STMND1: variants seen among roughly 807,000 people sequenced by gnomAD.
The protein encoded by STMND1 is stathmin domain containing 1, also known as stathmin domain-containing protein 1.
STMND1 carries 17 observed loss-of-function variants against 23.0 expected under a neutral mutation model. The ratio of observed to expected loss-of-function variants is 0.74; its 90% CI spans 0.51 to 1.11. The LOEUF (loss-of-function observed/expected upper bound fraction) is 1.11. Ranked by LOEUF, STMND1 falls within the 50% of genes least tolerant of loss-of-function variation. The pLI, the probability that STMND1 is intolerant of heterozygous loss-of-function variation, is 0.00. For synonymous variants in STMND1, 114 were observed against 119.9 expected (o/e 0.95, Z 0.32); for missense variants, 305 against 329.1 (o/e 0.93, Z 0.57).
chr6:17,129,089 T>G (rs1008570127), intron 3 of STMND1, 23 bp from the exon 4 acceptor site: 26 of 1,533,042 alleles, frequency 1.7e-5, no homozygotes, highest in Non-Finnish European at 2.3e-5. Flanking sequence ...TGTTTCTTCA[T>G]GTAAAAAGAT....
chr6:17,129,281 G>A (rs1471968521), intron 4 of STMND1, 38 bp downstream of exon 4: 28 of 1,526,242 alleles, frequency 1.8e-5, no homozygotes, highest in Middle Eastern at 1.7e-4. Context: ...TGAGGAGTTC[G>A]CTGTCTGTTA....
chr6:17,126,918 A>G (rs555400566), intron 3 of STMND1, among the ~76,000 whole-genome samples: 19 of 152,208 alleles, frequency 1.2e-4, no homozygotes, highest in Non-Finnish European at 2.5e-4. Flanking sequence ...GAGAAAATTG[A>G]GTCCAAAGAG....
Position 17,130,790 on chromosome 6 carries a change from C to A in STMND1, c.740C>A (p.Ala247Glu), listed in dbSNP as rs766968658. 2 of 1,536,030 alleles carry A rather than the reference C, an allele frequency of 1.3e-6. No individual in the cohort carries two copies. The highest frequency in any genetic ancestry group is 2.4e-5 in the South Asian group (2 of 84,056). ...PLKRKKSKCDATLIDRNESDE... is the reference protein window; with the variant it reads ...PLKRKKSKCDETLIDRNESDE... ...AAGAGGAAGAAGAGTAAATGTGATG[C>A]AACCTTGATTGATAGAAACGAAAGT... The change falls in exon 5 of 5, where the codon GCA (alanine) becomes GAA (glutamate). Residue 247 changes from alanine to glutamate, a missense_variant. Ala to Glu is a moderately radical substitution (Grantham distance 107). Transcript: ENST00000536551.
chr6:17,116,203 T>C (rs953331163), intron 2 of STMND1, among the ~76,000 whole-genome samples: 2 of 152,104 alleles, frequency 1.3e-5, no homozygotes, highest in Admixed American at 6.5e-5. Flanking sequence ...AAAGGTGGTA[T>C]GAAGAGGGTG....
intron 3 of STMND1, among the ~76,000 whole-genome samples, chr6:17,124,959 A>G (rs2113491571): frequency 6.6e-6 from 1 of 151,792 alleles, no homozygotes; most frequent in African/African-American, 2.4e-5. Context: ...TGATTATACC[A>G]CTGCACTCCA....
intron 2 of STMND1, among the ~76,000 whole-genome samples, chr6:17,116,768 A>T (rs1252708668): frequency 6.6e-6 from 1 of 152,138 alleles, no homozygotes; most frequent in African/African-American, 2.4e-5. Flanking sequence ...ATCAAGTTTC[A>T]CACTAACATT....
chr6:17,102,150 G>A lies in STMND1; in HGVS notation c.-108G>A. ...GCCCGAGCGCAGTAGCAGGGGCGTA[G>A]GGCGCAGGGCGCAGGAGCGCGGGAC... On this transcript the variant is annotated 5_prime_UTR_variant, in exon 1 of 5. Transcript: ENST00000536551. The A allele has an allele frequency of 1.7e-6, 2 of 1,147,884 alleles. No individual in the cohort carries two copies. Among genetic ancestry groups the A allele is most frequent in the Non-Finnish European group, 2.3e-6 (2 of 876,622 alleles). 71.1% of individuals were successfully genotyped at this position (1,147,884 alleles called of 1,614,324 possible).
At chr6:17,120,839 C>T (rs145015460) in intron 3 of STMND1, 81 bp downstream of exon 3, 1 of 1,163,242 alleles carries the variant, frequency 8.6e-7, no homozygotes, top group Non-Finnish European at 1.2e-6. Context: ...TTATTTCCAG[C>T]ATATGCAAGT....
intron 1 of STMND1, among the ~76,000 whole-genome samples, chr6:17,108,544 C>T (rs1029057725): frequency 2.0e-5 from 3 of 152,122 alleles, no homozygotes; most frequent in African/African-American, 7.2e-5. Context: ...TGTGAAAATA[C>T]TTGTCTTACC....
intron 1 of STMND1, among the ~76,000 whole-genome samples, chr6:17,107,411 TA>T (rs57783805): frequency 6.6e-6 from 1 of 152,064 alleles, no homozygotes; most frequent in African/African-American, 2.4e-5. Flanking sequence ...CTAAAATTGA[TA>T]AAAAAATTTA....
intron 3 of STMND1, among the ~76,000 whole-genome samples, chr6:17,126,034 TTATATATATATATATATA>T (rs1176278436): frequency 0.08 from 3,344 of 42,016 alleles, 238 homozygotes; most frequent in Middle Eastern, 0.12. Context: ...GATCATTGTT[TTATATATATATATATATA>T]TATATATATA....
In STMND1 at chr6:17,104,060, T is replaced by G. The variant is rs868205951; in HGVS notation, c.81+1722T>G. Among the ~76,000 whole-genome samples, 93 of 152,268 alleles carry G rather than the reference T, an allele frequency of 6.1e-4. 1 individual carries two copies. The highest frequency in any genetic ancestry group is 2.1e-3 in the African/African-American group (88 of 41,562). Reference sequence around the variant, plus strand: ...GTCTTCTGCCAGTGCCTGTCACTCATGGGCTCTTGGATCTGCTAAACCAAA... The same window carrying G: ...GTCTTCTGCCAGTGCCTGTCACTCAGGGGCTCTTGGATCTGCTAAACCAAA... On this transcript the variant is annotated intron_variant, in intron 1 of 4. Coordinates refer to ENST00000536551, the MANE Select transcript of STMND1 (RefSeq NM_001190766.2).
intron 1 of STMND1, among the ~76,000 whole-genome samples, chr6:17,113,735 T>C (rs890428854): frequency 7.9e-5 from 12 of 151,818 alleles, no homozygotes; most frequent in Non-Finnish European, 1.6e-4. Flanking sequence ...CCCAAAGTTC[T>C]GGGGTTACAG....
At chr6:17,116,257 A>G (rs1761159123) in intron 2 of STMND1, among the ~76,000 whole-genome samples, 1 of 152,148 alleles carries the variant, frequency 6.6e-6, no homozygotes, top group South Asian at 2.1e-4. Flanking sequence ...CTAGGGAGGA[A>G]GTCAGCCACC....
intron 1 of STMND1, 127 bp from the exon 2 acceptor site, chr6:17,114,835 G>T: frequency 9.7e-7 from 1 of 1,028,688 alleles, no homozygotes; most frequent in Non-Finnish European, 1.3e-6. Context: ...CCCGATCTAT[G>T]GCTTTCTGGT....
intron 1 of STMND1, among the ~76,000 whole-genome samples, chr6:17,102,647 G>A (rs1374006897): frequency 6.6e-6 from 1 of 152,174 alleles, no homozygotes; most frequent in South Asian, 2.1e-4. Flanking sequence ...TCACACCCCA[G>A]GGCACAGGCA....
intron 3 of STMND1, among the ~76,000 whole-genome samples, chr6:17,125,027 G>C (rs906730422): frequency 2.8e-5 from 4 of 143,964 alleles, no homozygotes; most frequent in African/African-American, 7.7e-5. Context: ...AAAAAAAAAA[G>C]TTAAATGTGC....
chr6:17,114,963 C>G lies in STMND1; in HGVS notation c.83C>G (p.Ala28Gly). The G allele has an allele frequency of 6.6e-7, 1 of 1,513,466 alleles. No homozygotes were observed. The highest frequency in any genetic ancestry group is 1.3e-5 in the South Asian group (1 of 79,302). The allele number at this position is 1,513,466 out of a possible 1,614,324, so 93.8% of individuals were successfully genotyped here. Residue 28 changes from alanine (A) to glycine (G), a missense_variant and splice_region_variant, in exon 2 of 5, where the codon GCT becomes GGT. Physicochemically the swap from Ala to Gly is moderately conservative, Grantham distance 60. Transcript: ENST00000536551. ...PKKGWKEEFK[A>G]DVSVPHTGEN... The stretch of plus-strand genomic sequence containing the variant: ...AACAAAACTGTTCCCTTTTCACAGG[C>G]TGATGTCAGTGTGCCTCATACTGGG...
At position 17,120,618 on chromosome 6, in the gene STMND1, A is replaced by G. The variant is rs1484118280; in HGVS notation, c.271A>G (p.Asn91Asp). 1 of 1,510,546 alleles carries G rather than the reference A, an allele frequency of 6.6e-7. No homozygotes were observed. Among genetic ancestry groups the G allele is most frequent in the Admixed American group, 2.3e-5 (1 of 43,242 alleles). 93.6% of individuals were successfully genotyped at this position (1,510,546 alleles called of 1,614,324 possible). Reference protein sequence around the residue: ...NRRVNSDLVTNGLINKPQSLE... With the variant: ...NRRVNSDLVTDGLINKPQSLE... ...TTCTTTTTTGGAAGACCTAGTGACC[A>G]ATGGATTAATCAATAAACCCCAATC... is the stretch of plus-strand genomic sequence containing the variant. The change falls in exon 3 of 5, where the codon AAT (asparagine) becomes GAT (aspartate). Residue 91 changes from asparagine (N) to aspartate (D), a missense_variant. By Grantham distance (23) the Asn-to-Asp change is conservative. Coordinates refer to ENST00000536551, the MANE Select transcript of STMND1 (RefSeq NM_001190766.2).
Sources: allele counts gnomAD v4.1 joint callset (sites outside exome capture counted in the v4.1 genomes callset), GRCh38; gene constraint gnomAD v4.1.1; transcripts MANE v1.5; gene names NCBI Gene and HGNC (gene_info 2026-07-23, HGNC 2026-07-21).